ELP3: variants seen among roughly 807,000 people sequenced by gnomAD.
ELP3 encodes the protein elongator acetyltransferase complex subunit 3.
A neutral mutation model predicts 74.9 loss-of-function variants in ELP3; 56 were observed. The ratio of observed to expected loss-of-function variants is 0.75; its 90% CI spans 0.60 to 0.93. The LOEUF (loss-of-function observed/expected upper bound fraction) is 0.93. Among genes scored for constraint, ELP3 ranks in the 40% least tolerant of loss-of-function variants. ELP3 has a pLI of 0.00. For missense variants in ELP3, 573 were observed against 686.5 expected (o/e 0.83, Z 1.85); for synonymous variants, 222 against 239.8 (o/e 0.93, Z 0.68).
intron 7 of ELP3, among the ~76,000 whole-genome samples, chr8:28,118,522 T>G (rs2130420304): frequency 6.6e-6 from 1 of 152,314 alleles, no homozygotes; most frequent in Non-Finnish European, 1.5e-5. Flanking sequence ...AAAGTGCTAA[T>G]CACTCAGTAC....
intron 10 of ELP3, among the ~76,000 whole-genome samples, chr8:28,155,382 T>G (rs994878979): frequency 6.6e-6 from 1 of 152,218 alleles, no homozygotes; most frequent in African/African-American, 2.4e-5. Context: ...GAAATAAATT[T>G]TATTTCCTCC....
At chr8:28,189,253 C>T (rs1230708090) in intron 14 of ELP3, among the ~76,000 whole-genome samples, 2 of 152,256 alleles carry the variant, frequency 1.3e-5, no homozygotes, top group African/African-American at 4.8e-5. Context: ...CGTTTGGCCT[C>T]ATCTGGAGCA....
intron 14 of ELP3, among the ~76,000 whole-genome samples, chr8:28,187,021 C>T (rs141732563): frequency 9.1e-4 from 139 of 152,222 alleles, no homozygotes; most frequent in African/African-American, 3.0e-3. Context: ...TGACTGGAGC[C>T]CCACTCCTGA....
Position 28,147,296 on chromosome 8 carries a change from G to C in ELP3, c.1101-8646G>C, listed in dbSNP as rs1241595208. On this transcript the variant is annotated intron_variant, in intron 10 of 14. Coordinates refer to ENST00000256398, the MANE Select transcript of ELP3 (RefSeq NM_018091.6). The surrounding 1 kb of genome is among the most constrained non-coding windows in gnomAD (Gnocchi z 4.5). Reference sequence around the variant, plus strand: ...ATCCCCTCTTCCCACTGCCTGTGGAGACAGTGCACCTGAAGCGTGGCCAGC... The same window carrying C: ...ATCCCCTCTTCCCACTGCCTGTGGACACAGTGCACCTGAAGCGTGGCCAGC... 6.6e-6 allele frequency among the ~76,000 whole-genome samples: 1 copy of C among 152,216 alleles called. No individual in the cohort carries two copies. The highest frequency in any genetic ancestry group is 1.5e-5 in the Non-Finnish European group (1 of 68,042).
chr8:28,122,978 G>A (rs1218425477), intron 7 of ELP3, among the ~76,000 whole-genome samples: 1 of 152,200 alleles, frequency 6.6e-6, no homozygotes, highest in Non-Finnish European at 1.5e-5. Flanking sequence ...ACAAAAGTTA[G>A]CCATGTGTGG....
chr8:28,125,903 A>G (rs1440842222), intron 7 of ELP3, among the ~76,000 whole-genome samples: 1 of 152,062 alleles, frequency 6.6e-6, no homozygotes, highest in Non-Finnish European at 1.5e-5. Flanking sequence ...AACTTTTTGC[A>G]AGAGGAAAGA....
chr8:28,115,900 T>A (rs567358518), intron 7 of ELP3, among the ~76,000 whole-genome samples: 1 of 152,328 alleles, frequency 6.6e-6, no homozygotes, highest in African/African-American at 2.4e-5. Flanking sequence ...TTCTCTTTTA[T>A]ATGGGGTGAG....
At chr8:28,104,217 T>G (rs1811599773) in intron 3 of ELP3, among the ~76,000 whole-genome samples, 1 of 152,266 alleles carries the variant, frequency 6.6e-6, no homozygotes, top group African/African-American at 2.4e-5. Flanking sequence ...TTACTAGGTT[T>G]TAAGAGTTCT....
chr8:28,186,304 G>T (rs1363981264), intron 14 of ELP3, among the ~76,000 whole-genome samples: 8 of 152,184 alleles, frequency 5.3e-5, no homozygotes, highest in Admixed American at 5.2e-4. Flanking sequence ...ACACCGAGCT[G>T]TATACTTAAA....
intron 7 of ELP3, among the ~76,000 whole-genome samples, chr8:28,128,092 A>G (rs565171049): frequency 2.0e-5 from 3 of 152,086 alleles, no homozygotes; most frequent in Non-Finnish European, 4.4e-5. Context: ...TAAATGGGAA[A>G]TTTTTTTTAA....
intron 7 of ELP3, among the ~76,000 whole-genome samples, chr8:28,124,670 G>A (rs898795849): frequency 6.6e-6 from 1 of 151,848 alleles, no homozygotes; most frequent in Non-Finnish European, 1.5e-5. Context: ...GCTACACGAG[G>A]GGACTACAAA....
chr8:28,095,281 A>G (rs1045401640), intron 1 of ELP3, among the ~76,000 whole-genome samples: 2 of 152,222 alleles, frequency 1.3e-5, no homozygotes, highest in Non-Finnish European at 2.9e-5. Context: ...GAGCTATACA[A>G]GTGGTTTCCA....
chr8:28,132,801 T>G (rs985307940), intron 9 of ELP3, among the ~76,000 whole-genome samples: 7 of 152,234 alleles, frequency 4.6e-5, no homozygotes, highest in Non-Finnish European at 8.8e-5. Flanking sequence ...TAATTTAATA[T>G]GTCATACCTT....
chr8:28,129,878 G>A (rs567300366), intron 8 of ELP3, among the ~76,000 whole-genome samples: 2 of 152,258 alleles, frequency 1.3e-5, no homozygotes, highest in East Asian at 3.9e-4. Flanking sequence ...CCAGCAGCCT[G>A]TAAACACACT....
rs1813473250 is a variant in ELP3 at position 28,147,356 on chromosome 8, G to A, written c.1101-8586G>A. Among the ~76,000 whole-genome samples the A allele has an allele frequency of 2.6e-5, 4 of 152,214 alleles. No individual in the cohort carries two copies. The South Asian group carries it at 8.3e-4, about 32-fold the overall frequency. ...GGCACCTGACTGATGCAGAGGTAAG[G>A]AGAGGGAGTGCAGAGATGGCAACTG... On this transcript the variant is annotated intron_variant, in intron 10 of 14. Transcript: ENST00000256398. This position sits in a 1 kb window ranked among gnomAD's most constrained non-coding sequence, Gnocchi z 4.5.
chr8:28,166,811 G>GC (rs1458522628), intron 14 of ELP3, among the ~76,000 whole-genome samples: 1 of 152,188 alleles, frequency 6.6e-6, no homozygotes, highest in Non-Finnish European at 1.5e-5. Flanking sequence ...AACAGAATGA[G>GC]TTTTTTTCTT....
chr8:28,145,155 T>A (rs1416404182), intron 10 of ELP3, among the ~76,000 whole-genome samples: 1 of 152,240 alleles, frequency 6.6e-6, no homozygotes, highest in East Asian at 1.9e-4. Context: ...CAAATGTGTA[T>A]GAGAAGGCTG....
intron 10 of ELP3, among the ~76,000 whole-genome samples, chr8:28,148,872 A>C (rs1009795000): frequency 3.3e-5 from 5 of 152,152 alleles, no homozygotes; most frequent in African/African-American, 1.2e-4. Context: ...AATGTTCCTC[A>C]CCCACAAAAA....
At chr8:28,137,025 C>A (rs1813017277) in intron 9 of ELP3, among the ~76,000 whole-genome samples, 1 of 152,030 alleles carries the variant, frequency 6.6e-6, no homozygotes, top group African/African-American at 2.4e-5. Context: ...AAGGTGTAGC[C>A]CAGGATAGGA....
Sources: allele counts gnomAD v4.1 joint callset (sites outside exome capture counted in the v4.1 genomes callset), GRCh38; gene constraint gnomAD v4.1.1; non-coding constraint Gnocchi (gnomAD v3.1); transcripts MANE v1.5; gene names NCBI Gene and HGNC (gene_info 2026-07-23, HGNC 2026-07-21).